Variants in PRKCH observed in about 807,000 individuals in gnomAD.
PRKCH encodes the protein protein kinase C eta type.
In PRKCH, 28 loss-of-function variants were observed where a neutral mutation model predicts 82.5. The ratio of observed to expected loss-of-function variants is 0.34; its 90% CI spans 0.25 to 0.47. The LOEUF is 0.47. Ranked by LOEUF, PRKCH falls within the 20% of genes least tolerant of loss-of-function variation. The pLI is 1.00. For missense variants in PRKCH, 705 were observed against 881.8 expected, an observed-to-expected ratio of 0.80 and a Z score of 2.54; for synonymous variants, 322 against 327.4, an observed-to-expected ratio of 0.98 and a Z score of 0.18.
intron 1 of PRKCH, among the ~76,000 whole-genome samples, chr14:61,189,688 T>C (rs1471439574): frequency 1.3e-5 from 2 of 152,084 alleles, no homozygotes; most frequent in Non-Finnish European, 1.5e-5. Context: ...TTGATTTTTT[T>C]TTTTCTGATA....
chr14:61,470,868 T>C (rs1885471038), intron 9 of PRKCH, among the ~76,000 whole-genome samples: 2 of 152,138 alleles, frequency 1.3e-5, no homozygotes, highest in South Asian at 4.1e-4. Flanking sequence ...CATACACGTT[T>C]TTCCGTCGCT....
At position 61,287,429 on chromosome 14, in the gene PRKCH, G is replaced by T. The variant is rs535134723; in HGVS notation, c.-19+99761G>T. ...GGGGGTTGACTCAGAAGTGAATTAG[G>T]GCCACGCCCGGTAGCTCACGCCTGT... On this transcript the variant is annotated intron_variant, in intron 1 of 3. Coordinates refer to the PRKCH transcript ENST00000555185. 2.4e-4 allele frequency among the ~76,000 whole-genome samples: 37 copies of T among 151,888 alleles called. No individual in the cohort carries two copies. The South Asian group carries it at 7.5e-3, about 31-fold the overall frequency.
chr14:61,459,312 T>C (rs1306757155), intron 9 of PRKCH, among the ~76,000 whole-genome samples: 1 of 152,104 alleles, frequency 6.6e-6, no homozygotes, highest in Non-Finnish European at 1.5e-5. Flanking sequence ...CTAGGGAAGG[T>C]AAAGCCATGC....
intron 1 of PRKCH, chr14:61,281,703 C>G (rs1422408210): frequency 1.2e-5 from 2 of 167,028 alleles, no homozygotes; most frequent in East Asian, 3.8e-4. Context: ...ATTTCAGATC[C>G]TTAATCCTCT....
intron 4 of PRKCH, among the ~76,000 whole-genome samples, chr14:61,448,226 C>T (rs1469486814): frequency 1.3e-5 from 2 of 151,900 alleles, no homozygotes; most frequent in Non-Finnish European, 2.9e-5. Context: ...TGACATGTCA[C>T]CTCTCTTTAT....
intron 12 of PRKCH, among the ~76,000 whole-genome samples, chr14:61,546,988 T>C (rs1451609634): frequency 1.3e-5 from 2 of 152,148 alleles, no homozygotes; most frequent in Non-Finnish European, 2.9e-5. Context: ...CTAAGGAAGT[T>C]TCCCAACTGA....
chr14:61,359,446 T>G (rs1208231651), intron 1 of PRKCH, among the ~76,000 whole-genome samples: 1 of 152,250 alleles, frequency 6.6e-6, no homozygotes, highest in Non-Finnish European at 1.5e-5. Flanking sequence ...CCAGAGAACA[T>G]TTTCATATTT....
At chr14:61,417,047 T>C (rs17098323) in intron 2 of PRKCH, among the ~76,000 whole-genome samples, 15,302 of 152,222 alleles carry the variant, frequency 0.1, 847 homozygotes, top group African/African-American at 0.14. Flanking sequence ...TAGACTGATA[T>C]GATATTTATA....
chr14:61,341,816 G>A (rs1360033268), intron 1 of PRKCH, among the ~76,000 whole-genome samples: 1 of 152,122 alleles, frequency 6.6e-6, no homozygotes, highest in Non-Finnish European at 1.5e-5. Flanking sequence ...TTTTACACTG[G>A]ACTAACAATG....
chr14:61,398,551 G>C (rs1207755365), intron 2 of PRKCH, among the ~76,000 whole-genome samples: 1 of 152,112 alleles, frequency 6.6e-6, no homozygotes, highest in African/African-American at 2.4e-5. Flanking sequence ...TAAATGGTTG[G>C]CCCACAAATA....
intron 1 of PRKCH, among the ~76,000 whole-genome samples, chr14:61,269,717 A>T (rs886242935): frequency 3.3e-5 from 5 of 152,224 alleles, no homozygotes; most frequent in Non-Finnish European, 7.3e-5. Context: ...CATTAGACCC[A>T]AAGGTAATTA....
intron 1 of PRKCH, among the ~76,000 whole-genome samples, chr14:61,217,304 G>T (rs932542494): frequency 6.6e-6 from 1 of 152,144 alleles, no homozygotes; most frequent in African/African-American, 2.4e-5. Context: ...AAGGCAGGAG[G>T]ATCAGTTGGG....
chr14:61,307,919 C>T (rs1437141391), intron 1 of PRKCH, among the ~76,000 whole-genome samples: 1 of 152,194 alleles, frequency 6.6e-6, no homozygotes, highest in African/African-American at 2.4e-5. Flanking sequence ...TTACTGTGAC[C>T]TTGAAGTCCT....
At chr14:61,260,699 G>A (rs1161897855) in intron 1 of PRKCH, among the ~76,000 whole-genome samples, 1 of 152,158 alleles carries the variant, frequency 6.6e-6, no homozygotes, top group Non-Finnish European at 1.5e-5. Flanking sequence ...TTAAAAGGCT[G>A]GATGAGAGTG....
At chr14:61,428,964 G>T (rs1459584857) in intron 2 of PRKCH, among the ~76,000 whole-genome samples, 2 of 152,096 alleles carry the variant, frequency 1.3e-5, no homozygotes, top group Non-Finnish European at 2.9e-5. Flanking sequence ...ATGGTTTAAA[G>T]AATTCTGCAT....
intron 1 of PRKCH, among the ~76,000 whole-genome samples, chr14:61,188,627 T>G (rs2044386215): frequency 1.1e-5 from 1 of 87,134 alleles, no homozygotes; most frequent in African/African-American, 4.7e-5. Context: ...TGTGTGTGTG[T>G]GTGTGTGTGT....
intron 12 of PRKCH, among the ~76,000 whole-genome samples, chr14:61,534,069 G>A (rs1161100316): frequency 6.6e-6 from 1 of 152,138 alleles, no homozygotes; most frequent in Non-Finnish European, 1.5e-5. Context: ...ACTCATCAAA[G>A]GCCATTTAAC....
intron 10 of PRKCH, among the ~76,000 whole-genome samples, chr14:61,507,525 ACAAT>A (rs1282472716): frequency 6.6e-6 from 1 of 152,208 alleles, no homozygotes; most frequent in Non-Finnish European, 1.5e-5. Context: ...AAATATGGAA[ACAAT>A]CTAAATGTCC....
intron 1 of PRKCH, among the ~76,000 whole-genome samples, chr14:61,328,174 C>G (rs951857931): frequency 2.1e-5 from 3 of 144,766 alleles, no homozygotes; most frequent in Non-Finnish European, 4.5e-5. Flanking sequence ...GGCGTGAACC[C>G]GGGAAGCGGA....
Sources: allele counts gnomAD v4.1 joint callset (sites outside exome capture counted in the v4.1 genomes callset), GRCh38; gene constraint gnomAD v4.1.1; transcripts MANE v1.5; gene names NCBI Gene and HGNC (gene_info 2026-07-23, HGNC 2026-07-21).